The following SUCLA2 variants were observed in gnomAD, a reference collection of about 807,000 sequenced individuals.
The protein encoded by SUCLA2 is succinate--CoA ligase [ADP-forming] subunit beta, mitochondrial.
In SUCLA2, 30 loss-of-function variants were observed where a neutral mutation model predicts 54.8. The ratio of observed to expected loss-of-function variants is 0.55; its 90% CI spans 0.41 to 0.74. The LOEUF (loss-of-function observed/expected upper bound fraction) is 0.74. Ranked by LOEUF, SUCLA2 falls within the 30% of genes least tolerant of loss-of-function variation. The probability of loss-of-function intolerance (pLI) is 0.00; values close to 1 mark genes in which losing one functional copy is unlikely to be tolerated. For missense variants in SUCLA2, 476 were observed against 562.9 expected (o/e 0.85, Z 1.56); for synonymous variants, 172 against 188.9 (o/e 0.91, Z 0.74).
intron 2 of SUCLA2, among the ~76,000 whole-genome samples, chr13:47,996,414 A>T (rs75768030): frequency 0.042 from 6,391 of 151,632 alleles, 449 homozygotes; most frequent in African/African-American, 0.14. Context: ...TTGGTTCCAT[A>T]TTTTTCATGA....
rs2137679149 is a variant in SUCLA2 at position 47,942,812 on chromosome 13, A to C, written c.*559T>G. On this transcript the variant is annotated 3_prime_UTR_variant, in exon 11 of 11. Transcript: ENST00000646932. ...TTAATCAGTGTTTCCTAATGATTAA[A>C]ACAATGTTCAAATAATTACAAAGTT... The C allele has an allele frequency of 6.5e-6, 1 of 154,028 alleles. No homozygotes were observed. Among genetic ancestry groups the C allele is most frequent in the South Asian group, 2.0e-4 (1 of 4,926 alleles). 9.5% of individuals were successfully genotyped at this position (154,028 alleles called of 1,614,324 possible).
At chr13:47,990,877 A>G (rs1950144459) in intron 2 of SUCLA2, among the ~76,000 whole-genome samples, 1 of 152,244 alleles carries the variant, frequency 6.6e-6, no homozygotes, top group African/African-American at 2.4e-5. Context: ...TTAAAAGAAC[A>G]TTTAGAAAAT....
At chr13:47,971,021 G>A (rs904461719) in intron 5 of SUCLA2, among the ~76,000 whole-genome samples, 2 of 152,024 alleles carry the variant, frequency 1.3e-5, no homozygotes, top group Non-Finnish European at 2.9e-5. Flanking sequence ...GGGCGACAGA[G>A]CGAGACTCCG....
intron 2 of SUCLA2, chr13:47,991,711 A>C (rs957353366): frequency 3.9e-5 from 6 of 152,250 alleles, no homozygotes. Context: ...ATTTAAAAAT[A>C]TGAACAGAAT....
intron 2 of SUCLA2, among the ~76,000 whole-genome samples, chr13:47,991,260 T>C (rs865901959): frequency 6.6e-6 from 1 of 152,222 alleles, no homozygotes; most frequent in South Asian, 2.1e-4. Flanking sequence ...TAATACCCTC[T>C]ACACTTTTTA....
At chr13:47,943,556 G>A (rs1949702218) in intron 10 of SUCLA2, 111 bp from the exon 11 acceptor site, 4 of 905,344 alleles carry the variant, frequency 4.4e-6, no homozygotes, top group South Asian at 1.4e-5. Flanking sequence ...GGACTATTCT[G>A]ACATTGCTAT....
intron 2 of SUCLA2, among the ~76,000 whole-genome samples, chr13:47,991,095 CACT>C (rs1950145980): frequency 6.6e-6 from 1 of 152,154 alleles, no homozygotes; most frequent in African/African-American, 2.4e-5. Flanking sequence ...TCCCAACCAC[CACT>C]ATCTCTTAAC....
chr13:47,954,043 A>G lies in SUCLA2; in HGVS notation c.1107+97T>C, dbSNP rs7334207. On this transcript the variant is annotated intron_variant, in intron 8 of 10. Coordinates refer to ENST00000646932, the MANE Select transcript of SUCLA2 (RefSeq NM_003850.3). The stretch of plus-strand genomic sequence containing the variant: ...AAAATATATATTAAAAGACATATAT[A>G]TGAATTCTAAATTCTAAAACATAAA... 894,458 of 1,122,904 alleles carry G rather than the reference A, an allele frequency of 0.8. 359,115 individuals are homozygous for G. The highest frequency in any genetic ancestry group is 0.82 in the Non-Finnish European group (708,915 of 861,296). The allele number at this position is 1,122,904 out of a possible 1,614,324, so 69.6% of individuals were successfully genotyped here.
chr13:47,970,535 C>T (rs1048146696), intron 5 of SUCLA2, among the ~76,000 whole-genome samples: 1 of 152,160 alleles, frequency 6.6e-6, no homozygotes, highest in African/African-American at 2.4e-5. Context: ...CCATCAGAAA[C>T]ATTTATCTCC....
chr13:47,963,014 A>G (rs1949883764), intron 6 of SUCLA2, among the ~76,000 whole-genome samples: 2 of 150,686 alleles, frequency 1.3e-5, no homozygotes, highest in Admixed American at 6.6e-5. Flanking sequence ...TTTCTTACAC[A>G]TTGTTACGTT....
chr13:47,967,203 C>A (rs1364739815), intron 6 of SUCLA2, among the ~76,000 whole-genome samples: 1 of 151,800 alleles, frequency 6.6e-6, no homozygotes, highest in Non-Finnish European at 1.5e-5. Context: ...TTGGGTAGCC[C>A]ATTAAATTTT....
chr13:47,975,338 T>G lies in SUCLA2; in HGVS notation c.535-1946A>C, dbSNP rs146261620. Among the ~76,000 whole-genome samples the G allele has an allele frequency of 5.4e-3, 819 of 152,134 alleles. 4 individuals carry two copies. Among genetic ancestry groups the G allele is most frequent in the African/African-American group, 0.018 (752 of 41,506 alleles). On this transcript the variant is annotated intron_variant, in intron 4 of 10. Coordinates refer to ENST00000646932, the MANE Select transcript of SUCLA2 (RefSeq NM_003850.3). ...ACCATGCCCAGCTAATTTTTGTATT[T>G]TTAGTAGAGACAGGGTTTTACCATC...
At chr13:47,968,374 A>C (rs1052634962) in intron 6 of SUCLA2, among the ~76,000 whole-genome samples, 1 of 152,188 alleles carries the variant, frequency 6.6e-6, no homozygotes, top group Non-Finnish European at 1.5e-5. Context: ...CGTCTCTATA[A>C]GGTGTTTGTT....
intron 2 of SUCLA2, among the ~76,000 whole-genome samples, chr13:47,993,042 G>A (rs1950161639): frequency 6.6e-6 from 1 of 152,118 alleles, no homozygotes; most frequent in African/African-American, 2.4e-5. Flanking sequence ...ACCAGCCTGG[G>A]CAACATGGTG....
Position 47,960,134 on chromosome 13 carries a change from G to A in SUCLA2, c.803-5577C>T, listed in dbSNP as rs76985920. The stretch of plus-strand genomic sequence containing the variant: ...AGACTGAGTAGGGGAAAGATTGAGG[G>A]CTGGGTTTCCTGTTTGTTTTTTGCT... On this transcript the variant is annotated intron_variant, in intron 6 of 10. Transcript: ENST00000646932. Among the ~76,000 whole-genome samples, 155 of 152,118 alleles carry A rather than the reference G, an allele frequency of 1.0e-3. 1 individual carries two copies. Among genetic ancestry groups the A allele is most frequent in the African/African-American group, 3.7e-3 (153 of 41,506 alleles).
At chr13:47,975,405 C>T (rs1439712432) in intron 4 of SUCLA2, among the ~76,000 whole-genome samples, 1 of 152,056 alleles carries the variant, frequency 6.6e-6, no homozygotes, top group African/African-American at 2.4e-5. Context: ...AGGTGATTCA[C>T]CTCCCAAAGT....
intron 5 of SUCLA2, among the ~76,000 whole-genome samples, chr13:47,971,238 C>A (rs1949961184): frequency 6.6e-6 from 1 of 151,990 alleles, no homozygotes; most frequent in South Asian, 2.1e-4. Flanking sequence ...ATGGTGAAAC[C>A]CTGTCTCTAC....
intron 8 of SUCLA2, among the ~76,000 whole-genome samples, chr13:47,952,911 T>C (rs76263305): frequency 1.3e-5 from 2 of 152,124 alleles, no homozygotes; most frequent in East Asian, 3.9e-4. Flanking sequence ...TACATTTTCT[T>C]CCTCTTGCCC....
At chr13:47,999,662 G>A (rs1950215038) in intron 1 of SUCLA2, among the ~76,000 whole-genome samples, 1 of 151,412 alleles carries the variant, frequency 6.6e-6, no homozygotes, top group Non-Finnish European at 1.5e-5. Context: ...AGCCAAGATC[G>A]CGCCACTGCA....
Sources: gnomAD v4.1 joint callset for allele counts (sites outside exome capture counted in the v4.1 genomes callset) on GRCh38, gnomAD v4.1.1 for gene constraint, MANE v1.5 for transcripts, NCBI Gene and HGNC (gene_info 2026-07-23, HGNC 2026-07-21) for gene names.